Variants in TMEM200A observed in about 807,000 individuals in gnomAD.
The protein encoded by TMEM200A is two transmembrane C.
Under a neutral mutation model 24.3 loss-of-function variants are expected in TMEM200A, and 12 were observed. The ratio of observed to expected loss-of-function variants is 0.49; its 90% CI spans 0.32 to 0.80. TMEM200A has a LOEUF of 0.80. TMEM200A is among the 30% of genes least tolerant of loss of function. The probability of loss-of-function intolerance (pLI) is 0.04; values close to 1 mark genes in which losing one functional copy is unlikely to be tolerated. For synonymous variants in TMEM200A, 224 were observed against 224.4 expected, an observed-to-expected ratio of 1.00 and a Z score of 0.02; for missense variants, 545 against 614.4, an observed-to-expected ratio of 0.89 and a Z score of 1.19.
chr6:130,368,908 A>C (rs529413954), intron 1 of TMEM200A, among the ~76,000 whole-genome samples: 1 of 152,286 alleles, frequency 6.6e-6, no homozygotes, highest in Non-Finnish European at 1.5e-5. Context: ...TTATCTGCAG[A>C]ATGAGGGCTT....
intron 1 of TMEM200A, among the ~76,000 whole-genome samples, chr6:130,383,272 GA>G (rs1305213038): frequency 6.6e-6 from 1 of 152,136 alleles, no homozygotes; most frequent in Admixed American, 6.5e-5. Flanking sequence ...CAATTGCTAG[GA>G]AGTCAGCAAT....
At chr6:130,386,613 T>C (rs917719540) in intron 2 of TMEM200A, among the ~76,000 whole-genome samples, 10 of 152,180 alleles carry the variant, frequency 6.6e-5, no homozygotes, top group African/African-American at 2.2e-4. Flanking sequence ...TCCTTACCCT[T>C]TTCAAACATC....
intron 2 of TMEM200A, among the ~76,000 whole-genome samples, chr6:130,396,705 G>C (rs1428959155): frequency 6.6e-6 from 1 of 151,712 alleles, no homozygotes; most frequent in African/African-American, 2.4e-5. Flanking sequence ...ATATGCTAAG[G>C]TTTTATATTT....
upstream of TMEM200A, chr6:130,365,694 T>G (rs1778118486): frequency 1.0e-6 from 1 of 985,346 alleles, no homozygotes; most frequent in Non-Finnish European, 1.2e-6. Flanking sequence ...ACGCCAGCCT[T>G]CCAGCCCGGG....
intron 1 of TMEM200A, among the ~76,000 whole-genome samples, chr6:130,383,501 A>G (rs1238461479): frequency 1.4e-5 from 2 of 144,074 alleles, no homozygotes; most frequent in African/African-American, 2.4e-5. Context: ...TCTGGTTCCC[A>G]TAGCCATCTT....
intron 1 of TMEM200A, among the ~76,000 whole-genome samples, chr6:130,367,656 A>G (rs1025034573): frequency 6.6e-6 from 1 of 152,234 alleles, no homozygotes; most frequent in Admixed American, 6.5e-5. Flanking sequence ...ACCTACACAG[A>G]AGTATGTAGT....
intron 2 of TMEM200A, among the ~76,000 whole-genome samples, chr6:130,421,982 A>G (rs1204140085): frequency 2.6e-5 from 4 of 152,130 alleles, no homozygotes; most frequent in Admixed American, 2.6e-4. Context: ...TTGATTCTAT[A>G]TATCTTGGCT....
intron 2 of TMEM200A, among the ~76,000 whole-genome samples, chr6:130,436,604 T>C (rs1366669001): frequency 1.3e-5 from 2 of 150,374 alleles, no homozygotes; most frequent in African/African-American, 2.4e-5. Context: ...GATTTTATAG[T>C]TTCACTAGGC....
At chr6:130,367,746 A>C (rs1778219531) in intron 1 of TMEM200A, among the ~76,000 whole-genome samples, 1 of 152,244 alleles carries the variant, frequency 6.6e-6, no homozygotes, top group Admixed American at 6.5e-5. Context: ...CATTAAGTGG[A>C]AACTATAGTT....
intron 2 of TMEM200A, among the ~76,000 whole-genome samples, chr6:130,427,938 A>G (rs1487270170): frequency 6.6e-6 from 1 of 152,172 alleles, no homozygotes; most frequent in Non-Finnish European, 1.5e-5. Context: ...AAACCATTAT[A>G]AAGTGTAGAA....
intron 2 of TMEM200A, among the ~76,000 whole-genome samples, chr6:130,426,208 A>G (rs541343346): frequency 7.2e-5 from 11 of 152,238 alleles, no homozygotes; most frequent in African/African-American, 2.4e-4. Flanking sequence ...GGCCAGGGAC[A>G]GTGGCCTCTC....
chr6:130,439,613 A>G (rs1036494146), intron 2 of TMEM200A: 1 of 152,248 alleles, frequency 6.6e-6, no homozygotes, highest in Non-Finnish European at 1.5e-5. Context: ...AATAGTGAAG[A>G]TGTAGGAACA....
intron 2 of TMEM200A, among the ~76,000 whole-genome samples, chr6:130,415,377 G>C (rs1304222061): frequency 6.6e-6 from 1 of 152,162 alleles, no homozygotes; most frequent in Non-Finnish European, 1.5e-5. Flanking sequence ...TTCAAACCTG[G>C]AGGGATGCAT....
chr6:130,425,027 TTC>T (rs1308779524), intron 2 of TMEM200A, among the ~76,000 whole-genome samples: 1 of 152,020 alleles, frequency 6.6e-6, no homozygotes, highest in Non-Finnish European at 1.5e-5. Flanking sequence ...ATCCCCAGAG[TTC>T]TTTTTCTGAC....
Position 130,441,486 on chromosome 6 carries a change from TG to T in TMEM200A, c.1065del (p.Leu355PhefsTer46), listed in dbSNP as rs747265142. ...LPRNNSIGES[L>X]SSQYKSSMAL... ...AGGAATAATTCCATTGGGGAGTCGTTGTCGAGTCAGTACAAGTCATCTATGG... is the reference window on the plus strand; with the variant it reads ...AGGAATAATTCCATTGGGGAGTCGTTTCGAGTCAGTACAAGTCATCTATGG... On this transcript the variant is annotated frameshift_variant, in exon 3 of 3. Coordinates refer to ENST00000296978, the MANE Select transcript of TMEM200A (RefSeq NM_001258277.2). LOFTEE classifies it high-confidence loss of function. The T allele has an allele frequency of 1.2e-6, 2 of 1,614,012 alleles. No individual in the cohort carries two copies. The highest frequency in any genetic ancestry group is 1.7e-6 in the Non-Finnish European group (2 of 1,179,980).
intron 1 of TMEM200A, among the ~76,000 whole-genome samples, chr6:130,374,634 G>C (rs1187855950): frequency 1.3e-5 from 2 of 151,984 alleles, no homozygotes; most frequent in African/African-American, 2.4e-5. Flanking sequence ...ATGTTGGCCA[G>C]GCTGGTCTCG....
At chr6:130,438,413 C>T (rs1340120710) in intron 2 of TMEM200A, 1 of 152,124 alleles carries the variant, frequency 6.6e-6, no homozygotes, top group Non-Finnish European at 1.5e-5. Flanking sequence ...ATTTGATGCC[C>T]TGAAGAAACT....
chr6:130,431,557 C>T (rs1779874834), intron 2 of TMEM200A, among the ~76,000 whole-genome samples: 1 of 152,126 alleles, frequency 6.6e-6, no homozygotes, highest in Non-Finnish European at 1.5e-5. Flanking sequence ...GGGTGGAAAG[C>T]ATATTTCTAC....
chr6:130,400,485 ACT>A (rs1206066632), intron 2 of TMEM200A, among the ~76,000 whole-genome samples: 1 of 142,736 alleles, frequency 7.0e-6, no homozygotes, highest in Non-Finnish European at 1.5e-5. Flanking sequence ...GAATCTCCTG[ACT>A]CTGTCATAGT....
Sources: gnomAD v4.1 joint callset for allele counts (sites outside exome capture counted in the v4.1 genomes callset) on GRCh38, gnomAD v4.1.1 for gene constraint, MANE v1.5 for transcripts, NCBI Gene and HGNC (gene_info 2026-07-23, HGNC 2026-07-21) for gene names.